The following OPA1 variants were observed in gnomAD, a reference collection of about 807,000 sequenced individuals.
The protein encoded by OPA1 is OPA1 mitochondrial dynamin like GTPase, also known as dynamin-like GTPase OPA1, mitochondrial.
Under a neutral mutation model 152.9 loss-of-function variants are expected in OPA1, and 59 were observed. The observed-to-expected ratio is 0.39, with a 90% CI of 0.31 to 0.48. The LOEUF (loss-of-function observed/expected upper bound fraction) is 0.48. Ranked by LOEUF, OPA1 falls within the 20% of genes least tolerant of loss-of-function variation. The pLI is 0.96. For synonymous variants in OPA1, 400 were observed against 389.9 expected, an observed-to-expected ratio of 1.03 and a Z score of -0.31; for missense variants, 1,008 against 1,216.8, an observed-to-expected ratio of 0.83 and a Z score of 2.55.
In OPA1 at chr3:193,659,001, T is replaced by C. The variant is rs1423003197; in HGVS notation, c.2440+6T>C. 5 of 1,583,128 alleles carry C rather than the reference T, an allele frequency of 3.2e-6. No individual in the cohort carries two copies. The highest frequency in any genetic ancestry group is 2.2e-5 in the South Asian group (2 of 90,486). ...GCAGGCTCGTCTCAAGGATAGTAAGTGGAGACACGGCTTATTGAGTTCTGA... is the reference window on the plus strand; with the variant it reads ...GCAGGCTCGTCTCAAGGATAGTAAGCGGAGACACGGCTTATTGAGTTCTGA... On this transcript the variant is annotated splice_donor_region_variant and intron_variant, in intron 24 of 30. Transcript: ENST00000361510.
chr3:193,599,213 T>A (rs1168403775), intron 1 of OPA1, among the ~76,000 whole-genome samples: 4 of 152,196 alleles, frequency 2.6e-5, no homozygotes, highest in African/African-American at 9.6e-5. Context: ...TTAGTCTTAT[T>A]CTACTCAGGA....
chr3:193,626,234 A>C (rs941792688), intron 7 of OPA1, 32 bp downstream of exon 7: 1 of 1,451,850 alleles, frequency 6.9e-7, no homozygotes, highest in Non-Finnish European at 9.7e-7. Context: ...CTACCGATAC[A>C]TTCACACTAA....
intron 10 of OPA1, 95 bp from the exon 11 acceptor site, chr3:193,637,857 A>G (rs1464792291): frequency 9.8e-7 from 1 of 1,018,010 alleles, no homozygotes; most frequent in Non-Finnish European, 1.5e-6. Flanking sequence ...AGAAATTTTA[A>G]AAGACTAAAA....
chr3:193,673,087 C>T (rs967972336), intron 29 of OPA1, among the ~76,000 whole-genome samples: 1 of 152,084 alleles, frequency 6.6e-6, no homozygotes, highest in African/African-American at 2.4e-5. Flanking sequence ...TCTCATTTTA[C>T]AGATGAAATG....
chr3:193,667,141 C>T (rs1418621756), intron 28 of OPA1, 29 bp from the exon 29 acceptor site: 8 of 1,017,886 alleles, frequency 7.9e-6, no homozygotes, highest in East Asian at 4.8e-5. Context: ...AAACGATGCT[C>T]CTCAGGTTTT....
intron 11 of OPA1, among the ~76,000 whole-genome samples, chr3:193,639,157 T>C (rs956143591): frequency 6.6e-6 from 1 of 152,194 alleles, no homozygotes; most frequent in Admixed American, 6.5e-5. Context: ...GAGTCTTTCA[T>C]TGAACAGATA....
intron 11 of OPA1, among the ~76,000 whole-genome samples, chr3:193,640,948 G>A (rs937285625): frequency 1.3e-5 from 2 of 152,122 alleles, no homozygotes; most frequent in African/African-American, 2.4e-5. Flanking sequence ...TCTAGCTATG[G>A]ATTGAATCGT....
chr3:193,620,407 A>G (rs1400807412), intron 6 of OPA1, among the ~76,000 whole-genome samples: 1 of 152,256 alleles, frequency 6.6e-6, no homozygotes, highest in African/African-American at 2.4e-5. Flanking sequence ...GCTCTGCAAT[A>G]GAAAAGAAGC....
At chr3:193,674,984 G>A (rs1298653165) in intron 29 of OPA1, among the ~76,000 whole-genome samples, 1 of 152,150 alleles carries the variant, frequency 6.6e-6, no homozygotes, top group Non-Finnish European at 1.5e-5. Flanking sequence ...CTGCCCCTGA[G>A]CTGGCACTCC....
chr3:193,660,750 T>C (rs1376194745), intron 25 of OPA1, among the ~76,000 whole-genome samples: 1 of 152,058 alleles, frequency 6.6e-6, no homozygotes, highest in Non-Finnish European at 1.5e-5. Flanking sequence ...ATTAAGAGAC[T>C]GAAGCAAAGC....
intron 1 of OPA1, among the ~76,000 whole-genome samples, chr3:193,603,859 G>A (rs1330654988): frequency 2.0e-5 from 3 of 152,020 alleles, no homozygotes; most frequent in Admixed American, 6.6e-5. Flanking sequence ...CAACACGAGG[G>A]GCCACTATTT....
intron 29 of OPA1, among the ~76,000 whole-genome samples, chr3:193,675,314 T>G (rs1718727339): frequency 2.3e-5 from 3 of 131,998 alleles, no homozygotes; most frequent in African/African-American, 8.9e-5. Flanking sequence ...CAGAGGAGAT[T>G]TTTTTTTTTT....
intron 29 of OPA1, among the ~76,000 whole-genome samples, chr3:193,669,173 G>A (rs960824662): frequency 6.6e-6 from 1 of 152,190 alleles, no homozygotes; most frequent in Non-Finnish European, 1.5e-5. Context: ...GCCAGGCAGG[G>A]CTCTTCTGTG....
intron 29 of OPA1, among the ~76,000 whole-genome samples, chr3:193,677,577 A>G (rs1055814208): frequency 6.6e-6 from 1 of 152,220 alleles, no homozygotes; most frequent in Non-Finnish European, 1.5e-5. Context: ...GGAAATCTTA[A>G]GGGATTGGTG....
Position 193,615,761 on chromosome 3 carries a change from A to G in OPA1, c.439A>G (p.Ile147Val), listed in dbSNP as rs1728918033. 6.2e-7 allele frequency: 1 copy of G among 1,602,644 alleles called. No homozygotes were observed. Among genetic ancestry groups the G allele is most frequent in the Non-Finnish European group, 8.5e-7 (1 of 1,169,636 alleles). The change falls in exon 3 of 31, where the codon ATC becomes GTC. Residue 147 changes from isoleucine (I) to valine (V), a missense_variant. Coordinates refer to ENST00000361510, the MANE Select transcript of OPA1 (RefSeq NM_130837.3). ...CATTGTGTGGGAAATTGATGAGTATATCGATTTTGGTTTGTATCATGAACA... is the reference window on the plus strand; with the variant it reads ...CATTGTGTGGGAAATTGATGAGTATGTCGATTTTGGTTTGTATCATGAACA... ...PDIVWEIDEYIDFEKIRKALP... is the reference protein window; with the variant it reads ...PDIVWEIDEYVDFEKIRKALP...
At chr3:193,593,513 C>A in intron 1 of OPA1, 104 bp downstream of exon 1, 1 of 1,155,634 alleles carries the variant, frequency 8.7e-7, no homozygotes, top group Non-Finnish European at 1.2e-6. Flanking sequence ...TCAGGCCAGG[C>A]CGACGGCAGT....
rs754498977 is a variant in OPA1 at position 193,614,906 on chromosome 3, A to G, written c.216A>G (p.Lys72=). The change falls in exon 2 of 31, where the codon AAA becomes AAG. Residue 72 remains lysine, a synonymous_variant. Transcript: ENST00000361510. The part of the protein sequence containing the change: ...FSSLTNLPLR[K]LKFSPIKYGY... ...CTCTGACAAACCTTCCTTTACGTAA[A>G]CTGAAATTCTCTCCAATTAAATATG... 3 of 1,613,834 alleles carry G rather than the reference A, an allele frequency of 1.9e-6. No homozygotes were observed. In the East Asian group the frequency reaches 6.7e-5, roughly 36 times the overall value.
At chr3:193,600,264 G>C (rs1419370362) in intron 1 of OPA1, among the ~76,000 whole-genome samples, 1 of 152,220 alleles carries the variant, frequency 6.6e-6, no homozygotes, top group East Asian at 1.9e-4. Flanking sequence ...TTTGGTCTCA[G>C]TGTGGAACTC....
chr3:193,635,992 C>CT (rs1383403657), intron 9 of OPA1, among the ~76,000 whole-genome samples: 1 of 152,136 alleles, frequency 6.6e-6, no homozygotes, highest in Non-Finnish European at 1.5e-5. Flanking sequence ...AAAGTGTGTG[C>CT]TGGTATTGTT....
Sources: gnomAD v4.1 joint callset for allele counts (sites outside exome capture counted in the v4.1 genomes callset) on GRCh38, gnomAD v4.1.1 for gene constraint, MANE v1.5 for transcripts, NCBI Gene and HGNC (gene_info 2026-07-23, HGNC 2026-07-21) for gene names.